The following RGS6 variants were observed in gnomAD, a reference collection of about 807,000 sequenced individuals.
RGS6 encodes the protein regulator of G protein signaling 6.
RGS6 carries 30 observed loss-of-function variants against 78.5 expected under a neutral mutation model. That is an observed-to-expected ratio of 0.38 (90% CI 0.29 to 0.52). RGS6 has a LOEUF of 0.52. RGS6 is among the 20% of genes least tolerant of loss of function. The pLI is 0.85. For missense variants in RGS6, 495 were observed against 609.7 expected (o/e 0.81, Z 1.98); for synonymous variants, 206 against 206.0 (o/e 1.00, Z 0.00).
chr14:71,928,713 TATAA>T (rs1404242966), upstream of RGS6, among the ~76,000 whole-genome samples: 1 of 152,256 alleles, frequency 6.6e-6, no homozygotes, highest in Non-Finnish European at 1.5e-5. Flanking sequence ...GGGTTTTACC[TATAA>T]ATATTATTTC....
At chr14:72,068,148 T>TTTC (rs1414100066) in intron 2 of RGS6, among the ~76,000 whole-genome samples, 3 of 151,660 alleles carry the variant, frequency 2.0e-5, no homozygotes, top group Non-Finnish European at 4.4e-5. Flanking sequence ...TTTTTTTTTT[T>TTTC]TTTGAGACAA....
rs1599231943 is a variant in RGS6 at position 72,562,993 on chromosome 14, T to G, written c.*526T>G. ...CCTCACGTCTCTGTGGCCACCCGGG[T>G]GTCACTGCCAGCACCAGGCACTGCT... On this transcript the variant is annotated 3_prime_UTR_variant, in exon 18 of 18. Transcript: ENST00000553525. 1 of 578,416 alleles carries G rather than the reference T, an allele frequency of 1.7e-6. No individual in the cohort carries two copies. The highest frequency in any genetic ancestry group is 3.1e-6 in the Non-Finnish European group (1 of 322,550). The allele number at this position is 578,416 out of a possible 1,614,324, so 35.8% of individuals were successfully genotyped here.
chr14:72,526,568 G>T (rs1212251233), intron 15 of RGS6, among the ~76,000 whole-genome samples: 1 of 152,224 alleles, frequency 6.6e-6, no homozygotes, highest in Non-Finnish European at 1.5e-5. Context: ...TAGATGCTTT[G>T]CAGAGTAAAG....
At chr14:72,183,212 A>G (rs1212137366) in intron 2 of RGS6, among the ~76,000 whole-genome samples, 1 of 152,234 alleles carries the variant, frequency 6.6e-6, no homozygotes, top group Non-Finnish European at 1.5e-5. Context: ...AAAGTATTCA[A>G]TGACTACTCT....
chr14:72,274,806 C>T (rs947660389), intron 2 of RGS6, among the ~76,000 whole-genome samples: 1 of 152,120 alleles, frequency 6.6e-6, no homozygotes, highest in African/African-American at 2.4e-5. Flanking sequence ...AGGACCTCAC[C>T]CCTGCCAACT....
chr14:72,417,286 G>A (rs1237310382), intron 3 of RGS6, among the ~76,000 whole-genome samples: 1 of 152,208 alleles, frequency 6.6e-6, no homozygotes, highest in East Asian at 1.9e-4. Flanking sequence ...TGCAAATAGG[G>A]AGATGACTGC....
chr14:72,004,101 T>C (rs2084045329), intron 2 of RGS6, among the ~76,000 whole-genome samples: 1 of 152,046 alleles, frequency 6.6e-6, no homozygotes, highest in African/African-American at 2.4e-5. Flanking sequence ...CCCCAGGAGG[T>C]TTGAATGGGC....
intron 2 of RGS6, among the ~76,000 whole-genome samples, chr14:72,259,507 A>G (rs1282381416): frequency 2.0e-5 from 3 of 152,206 alleles, no homozygotes; most frequent in Non-Finnish European, 4.4e-5. Context: ...ATTGATTGAT[A>G]TGGGAAAATG....
At chr14:72,374,601 C>T (rs1418597074) in intron 3 of RGS6, among the ~76,000 whole-genome samples, 2 of 152,126 alleles carry the variant, frequency 1.3e-5, no homozygotes, top group Non-Finnish European at 2.9e-5. Flanking sequence ...TGGAGAAGCA[C>T]ACATTAAATA....
intron 13 of RGS6, among the ~76,000 whole-genome samples, chr14:72,502,626 T>C (rs925092790): frequency 2.0e-5 from 3 of 152,110 alleles, no homozygotes; most frequent in Non-Finnish European, 4.4e-5. Context: ...TAGCTGGGCA[T>C]GGTGGCAGGC....
intron 13 of RGS6, among the ~76,000 whole-genome samples, chr14:72,502,864 T>C (rs775618574): frequency 6.6e-6 from 1 of 152,240 alleles, no homozygotes; most frequent in Admixed American, 6.5e-5. Flanking sequence ...AATAAAATTA[T>C]GATTGTTTCT....
intron 2 of RGS6, among the ~76,000 whole-genome samples, chr14:72,100,548 G>T (rs75336679): frequency 6.6e-6 from 1 of 152,092 alleles, no homozygotes; most frequent in Admixed American, 6.5e-5. Flanking sequence ...AGAAGGCATC[G>T]TGCGGACAGG....
chr14:72,504,074 C>G (rs1382728286), intron 13 of RGS6, among the ~76,000 whole-genome samples: 1 of 152,212 alleles, frequency 6.6e-6, no homozygotes, highest in African/African-American at 2.4e-5. Context: ...TACTACATGT[C>G]CCTTGAACTC....
chr14:72,039,395 A>T (rs1449435758), intron 2 of RGS6, among the ~76,000 whole-genome samples: 2 of 152,104 alleles, frequency 1.3e-5, no homozygotes, highest in Non-Finnish European at 2.9e-5. Context: ...CCTCACGTTT[A>T]TACTTATTGT....
chr14:72,334,430 C>T (rs990841721), intron 2 of RGS6, among the ~76,000 whole-genome samples: 10 of 152,206 alleles, frequency 6.6e-5, no homozygotes, highest in Admixed American at 5.2e-4. Context: ...CCACAGGGCT[C>T]TGCTCCCTCC....
intron 2 of RGS6, among the ~76,000 whole-genome samples, chr14:72,190,845 A>G (rs1312891386): frequency 2.6e-5 from 4 of 152,156 alleles, no homozygotes; most frequent in African/African-American, 9.7e-5. Context: ...CAGCTGTTCA[A>G]TCCTACATGA....
At chr14:72,228,154 AGAT>A (rs1266956867) in intron 2 of RGS6, among the ~76,000 whole-genome samples, 1 of 152,086 alleles carries the variant, frequency 6.6e-6, no homozygotes, top group East Asian at 1.9e-4. Flanking sequence ...CGAGGTGGGT[AGAT>A]AACTTGAGGC....
chr14:72,383,172 TTGTACATATATATATATATATATA>T (rs984000663), intron 3 of RGS6, among the ~76,000 whole-genome samples: 1 of 47,314 alleles, frequency 2.1e-5, no homozygotes, highest in Admixed American at 2.8e-4. Context: ...CATGAAAAAA[TTGTACATATATATATATATATATA>T]TATATATATA....
intron 2 of RGS6, among the ~76,000 whole-genome samples, chr14:72,310,098 T>C (rs2068195875): frequency 6.6e-6 from 1 of 152,164 alleles, no homozygotes; most frequent in South Asian, 2.1e-4. Context: ...GGTCATTCAT[T>C]ATTGATGACC....
Sources: gnomAD v4.1 joint callset for allele counts (sites outside exome capture counted in the v4.1 genomes callset) on GRCh38, gnomAD v4.1.1 for gene constraint, MANE v1.5 for transcripts, NCBI Gene and HGNC (gene_info 2026-07-23, HGNC 2026-07-21) for gene names.